MLLT1: variants seen among roughly 807,000 people sequenced by gnomAD.
MLLT1 encodes MLLT1 super elongation complex subunit, also known as protein ENL.
In MLLT1, 11 loss-of-function variants were observed where a neutral mutation model predicts 55.1. The ratio of observed to expected loss-of-function variants is 0.20; its 90% CI spans 0.13 to 0.33. MLLT1 has a LOEUF of 0.33. Among genes scored for constraint, MLLT1 ranks in the 10% least tolerant of loss-of-function variants. MLLT1 has a pLI of 1.00. For missense variants in MLLT1, 536 were observed against 760.6 expected (o/e 0.70, Z 3.47); for synonymous variants, 323 against 320.1 (o/e 1.01, Z -0.10).
At position 6,229,267 on chromosome 19, in the gene MLLT1, A is replaced by G. The variant is rs569981035; in HGVS notation, c.420+1303T>C. Among the ~76,000 whole-genome samples, 26 of 152,260 alleles carry G rather than the reference A, an allele frequency of 1.7e-4. No homozygotes were observed. In the East Asian group the frequency reaches 4.8e-3, roughly 28 times the overall value. ...CCCAGCACTCAGCCACGCCATCCAC[A>G]TAGGCCCACGCCGGCACTGCCCTCC... On this transcript the variant is annotated intron_variant, in intron 4 of 11. Transcript: ENST00000252674. This position sits in a 1 kb window ranked among gnomAD's most constrained non-coding sequence, Gnocchi z 5.2.
intron 3 of MLLT1, among the ~76,000 whole-genome samples, chr19:6,238,443 G>A (rs528250757): frequency 6.6e-5 from 10 of 152,356 alleles, no homozygotes; most frequent in African/African-American, 1.4e-4. Flanking sequence ...CAACCCTTGC[G>A]GGGAGAGAGG....
chr19:6,211,565 T>C lies in MLLT1; in HGVS notation c.*1477A>G, dbSNP rs2090772073. ...CTCATAGGCTGGGGAGGAGGAGACA[T>C]CTAGGTGGGTTCGAGGGGGTGCGAG... On this transcript the variant is annotated 3_prime_UTR_variant, in exon 12 of 12. Coordinates refer to ENST00000252674, the MANE Select transcript of MLLT1 (RefSeq NM_005934.4). This position sits in a 1 kb window ranked among gnomAD's most constrained non-coding sequence, Gnocchi z 4.6. 1.9e-6 allele frequency: 2 copies of C among 1,055,966 alleles called. No homozygotes were observed. The highest frequency in any genetic ancestry group is 2.3e-6 in the Non-Finnish European group (2 of 870,472). 65.4% of individuals were successfully genotyped at this position (1,055,966 alleles called of 1,614,324 possible).
chr19:6,211,596 C>A lies in MLLT1; in HGVS notation c.*1446G>T. The A allele has an allele frequency of 9.4e-7, 1 of 1,065,450 alleles. No individual in the cohort carries two copies. The highest frequency in any genetic ancestry group is 1.1e-6 in the Non-Finnish European group (1 of 879,238). The allele number at this position is 1,065,450 out of a possible 1,614,324, so 66.0% of individuals were successfully genotyped here. On this transcript the variant is annotated 3_prime_UTR_variant, in exon 12 of 12. Coordinates refer to ENST00000252674, the MANE Select transcript of MLLT1 (RefSeq NM_005934.4). The surrounding 1 kb of genome is among the most constrained non-coding windows in gnomAD (Gnocchi z 4.6). ...TGGGTTCGAGGGGGTGCGAGCCCACCTCCAGGCCCTCAGCCCTCTTTTCCT... is the reference window on the plus strand; with the variant it reads ...TGGGTTCGAGGGGGTGCGAGCCCACATCCAGGCCCTCAGCCCTCTTTTCCT...
Position 6,229,389 on chromosome 19 carries a change from C to T in MLLT1, c.420+1181G>A, listed in dbSNP as rs906152509. 5.3e-5 allele frequency among the ~76,000 whole-genome samples: 8 copies of T among 152,108 alleles called. No individual in the cohort carries two copies. The highest frequency in any genetic ancestry group is 1.9e-4 in the East Asian group (1 of 5,176). ...CGCCTCCTTCTTCTTAGGAGAACGACGGCCACCAAGGACCTGACCATGCCC... is the reference window on the plus strand; with the variant it reads ...CGCCTCCTTCTTCTTAGGAGAACGATGGCCACCAAGGACCTGACCATGCCC... On this transcript the variant is annotated intron_variant, in intron 4 of 11. Transcript: ENST00000252674. The surrounding 1 kb of genome is among the most constrained non-coding windows in gnomAD (Gnocchi z 5.2).
In MLLT1 at chr19:6,219,780, G is replaced by A. The variant is rs1378816884; in HGVS notation, c.1111-1739C>T. Among the ~76,000 whole-genome samples the A allele has an allele frequency of 6.6e-6, 1 of 152,244 alleles. No individual in the cohort carries two copies. The highest frequency in any genetic ancestry group is 1.5e-5 in the Non-Finnish European group (1 of 68,046). The stretch of plus-strand genomic sequence containing the variant: ...GGCCAAAGGAGGCTGCACAAGGTCA[G>A]CAGGGATGGAAGCAGAGAGGATGCT... On this transcript the variant is annotated intron_variant, in intron 6 of 11. Transcript: ENST00000252674. This position sits in a 1 kb window ranked among gnomAD's most constrained non-coding sequence, Gnocchi z 4.5.
At chr19:6,268,794 G>A (rs879274427) in intron 2 of MLLT1, among the ~76,000 whole-genome samples, 2 of 152,168 alleles carry the variant, frequency 1.3e-5, no homozygotes, top group Non-Finnish European at 2.9e-5. Context: ...GCACATGCCT[G>A]CCAGGAGCTC....
In MLLT1 at chr19:6,251,094, G is replaced by A. The variant is rs531811773; in HGVS notation, c.276+11134C>T. 7.2e-5 allele frequency among the ~76,000 whole-genome samples: 11 copies of A among 152,212 alleles called. No homozygotes were observed. In the South Asian group the frequency reaches 1.5e-3, roughly 20 times the overall value. ...GTAGCTGCCAGGAACAGTGGCGATGGGGGGAACGGGAAACAGCTGCTTACT... is the reference window on the plus strand; with the variant it reads ...GTAGCTGCCAGGAACAGTGGCGATGAGGGGAACGGGAAACAGCTGCTTACT... On this transcript the variant is annotated intron_variant, in intron 3 of 11. Coordinates refer to ENST00000252674, the MANE Select transcript of MLLT1 (RefSeq NM_005934.4).
Position 6,227,286 on chromosome 19 carries a change from G to A in MLLT1, c.421-184C>T, listed in dbSNP as rs912635074. On this transcript the variant is annotated intron_variant, in intron 4 of 11. Coordinates refer to ENST00000252674, the MANE Select transcript of MLLT1 (RefSeq NM_005934.4). The surrounding 1 kb of genome is among the most constrained non-coding windows in gnomAD (Gnocchi z 5.1). ...GGTGCTGAGCACGCAGAAGAAGCAG[G>A]CATGGGTGGGGAGCGAAGAAAAGCC... 1.3e-5 allele frequency among the ~76,000 whole-genome samples: 2 copies of A among 152,166 alleles called. No homozygotes were observed. Among genetic ancestry groups the A allele is most frequent in the Non-Finnish European group, 2.9e-5 (2 of 68,036 alleles).
chr19:6,243,493 G>A (rs2091135317), intron 3 of MLLT1, among the ~76,000 whole-genome samples: 1 of 152,220 alleles, frequency 6.6e-6, no homozygotes. Flanking sequence ...CGTGGGACAG[G>A]CACCTGGCTG....
At chr19:6,228,493 T>TG (rs2090974756) in intron 4 of MLLT1, among the ~76,000 whole-genome samples, 1 of 151,302 alleles carries the variant, frequency 6.6e-6, no homozygotes, top group Non-Finnish European at 1.5e-5. Context: ...CCCTCAGCCA[T>TG]GGGGGCAGAG....
chr19:6,211,058 G>A lies in MLLT1; in HGVS notation c.*1984C>T. On this transcript the variant is annotated 3_prime_UTR_variant, in exon 12 of 12. Transcript: ENST00000252674. The surrounding 1 kb of genome is among the most constrained non-coding windows in gnomAD (Gnocchi z 4.6). The stretch of plus-strand genomic sequence containing the variant: ...TGCTCGAGTCGCTGTGTGGATTTTG[G>A]GGGACTCCTGCGAAGGAGAAAGGCC... The A allele has an allele frequency of 4.3e-6, 1 of 232,056 alleles. No homozygotes were observed. The highest frequency in any genetic ancestry group is 1.8e-4 in the South Asian group (1 of 5,512). The allele number at this position is 232,056 out of a possible 1,614,324, so 14.4% of individuals were successfully genotyped here.
chr19:6,220,261 C>T (rs1183995007), intron 6 of MLLT1, among the ~76,000 whole-genome samples: 1 of 152,222 alleles, frequency 6.6e-6, no homozygotes, highest in African/African-American at 2.4e-5. Flanking sequence ...TCTGGAAGGC[C>T]GATGTGCTTC....
In MLLT1 at chr19:6,270,666, C is replaced by A. The variant is rs2144960339; in HGVS notation, c.106G>T (p.Val36Phe). The A allele has an allele frequency of 6.2e-7, 1 of 1,614,104 alleles. No homozygotes were observed. The highest frequency in any genetic ancestry group is 2.2e-5 in the East Asian group (1 of 44,856). Reference sequence around the variant, plus strand: ...ATGTCACATTGCTCGGGGCCGCGGACAAACACCATCCAGTCGTGAGTGAAC... The same window carrying A: ...ATGTCACATTGCTCGGGGCCGCGGAAAAACACCATCCAGTCGTGAGTGAAC... ...EGFTHDWMVF[V>F]RGPEQCDIQH... Residue 36 changes from valine to phenylalanine, a missense_variant, in exon 2 of 12, where the codon GTC becomes TTC. Physicochemically the swap from Val to Phe is conservative, Grantham distance 50. Around this residue, in one of 3 missense-constraint regions of MLLT1, gnomAD observed 62 missense variants for 195.8 expected, o/e 0.32. Coordinates refer to ENST00000252674, the MANE Select transcript of MLLT1 (RefSeq NM_005934.4). This position sits in a 1 kb window ranked among gnomAD's most constrained non-coding sequence, Gnocchi z 7.1.
intron 3 of MLLT1, among the ~76,000 whole-genome samples, chr19:6,236,169 C>T (rs1024886148): frequency 2.6e-5 from 4 of 152,166 alleles, no homozygotes; most frequent in African/African-American, 7.2e-5. Flanking sequence ...TCTAATCTTA[C>T]GGATAGTCAG....
intron 1 of MLLT1, among the ~76,000 whole-genome samples, chr19:6,279,104 G>C (rs1293113916): frequency 6.6e-6 from 1 of 152,064 alleles, no homozygotes; most frequent in African/African-American, 2.4e-5. Flanking sequence ...GGGATGGGTG[G>C]AGATAAAGCT....
chr19:6,233,796 A>G (rs1159824436), intron 3 of MLLT1, among the ~76,000 whole-genome samples: 1 of 151,926 alleles, frequency 6.6e-6, no homozygotes, highest in Non-Finnish European at 1.5e-5. Flanking sequence ...TCCCTAACCG[A>G]CACGCCCCCC....
chr19:6,264,711 A>T (rs191969931), intron 2 of MLLT1, among the ~76,000 whole-genome samples: 1 of 151,836 alleles, frequency 6.6e-6, no homozygotes, highest in Admixed American at 6.6e-5. Context: ...TTCAAGGCCA[A>T]CCTGGATGAC....
chr19:6,214,020 G>GGT lies in MLLT1; in HGVS notation c.1325_1326insAC (p.Ser442ArgfsTer66), dbSNP rs2090810885. On this transcript the variant is annotated frameshift_variant, in exon 9 of 12. Coordinates refer to ENST00000252674, the MANE Select transcript of MLLT1 (RefSeq NM_005934.4). LOFTEE classifies it high-confidence loss of function. Reference sequence around the variant, plus strand: ...AGGAGTCGGCGCTGTTGTCACTCTCGCTGTCGCTGAAGCTCAACCTGAACC... The same window carrying GGT: ...AGGAGTCGGCGCTGTTGTCACTCTCGGTCTGTCGCTGAAGCTCAACCTGAACC... 6.9e-7 allele frequency: 1 copy of GGT among 1,446,338 alleles called. No homozygotes were observed. Among genetic ancestry groups the GGT allele is most frequent in the African/African-American group, 1.4e-5 (1 of 69,740 alleles). The allele number at this position is 1,446,338 out of a possible 1,614,324, so 89.6% of individuals were successfully genotyped here.
chr19:6,238,968 G>A (rs898965403), intron 3 of MLLT1, among the ~76,000 whole-genome samples: 1 of 152,264 alleles, frequency 6.6e-6, no homozygotes, highest in African/African-American at 2.4e-5. Context: ...GCCTTAGTCA[G>A]TCCACACCAA....
Sources: gnomAD v4.1 joint callset for allele counts (sites outside exome capture counted in the v4.1 genomes callset) on GRCh38, gnomAD v4.1.1 for gene constraint, gnomAD v4.1.1 regional missense constraint, Gnocchi (gnomAD v3.1) non-coding constraint, MANE v1.5 for transcripts, NCBI Gene and HGNC (gene_info 2026-07-23, HGNC 2026-07-21) for gene names.